The following CCDC158 variants were observed in gnomAD, a reference collection of about 807,000 sequenced individuals.
CCDC158 encodes the protein coiled-coil domain-containing protein 158.
CCDC158 carries 116 observed loss-of-function variants against 138.6 expected under a neutral mutation model. The ratio of observed to expected loss-of-function variants is 0.84; its 90% CI spans 0.72 to 0.98. The LOEUF (loss-of-function observed/expected upper bound fraction) is 0.98, where lower values mean the gene tolerates loss of function less well. CCDC158 is among the 50% of genes least tolerant of loss of function. The pLI is 0.00. For synonymous variants in CCDC158, 436 were observed against 442.4 expected (o/e 0.99, Z 0.18); for missense variants, 1,265 against 1,306.1 (o/e 0.97, Z 0.48).
At chr4:76,416,713 T>C (rs1315561600) in intron 1 of CCDC158, among the ~76,000 whole-genome samples, 2 of 152,196 alleles carry the variant, frequency 1.3e-5, no homozygotes, top group African/African-American at 4.8e-5. Flanking sequence ...GCAGCTTCCA[T>C]GTGGTGTTAA....
upstream of CCDC158, among the ~76,000 whole-genome samples, chr4:76,421,270 G>C (rs1560497517): frequency 1.3e-5 from 2 of 152,034 alleles, no homozygotes; most frequent in Non-Finnish European, 1.5e-5. Context: ...GGGGTGCTCG[G>C]CAGCTGCCCG....
chr4:76,319,910 C>T (rs1327783672), intron 24 of CCDC158, among the ~76,000 whole-genome samples: 2 of 152,112 alleles, frequency 1.3e-5, no homozygotes, highest in African/African-American at 4.8e-5. Context: ...TTCACCACTG[C>T]TATTCAACAT....
intron 13 of CCDC158, among the ~76,000 whole-genome samples, chr4:76,359,147 C>T (rs1723877335): frequency 6.6e-6 from 1 of 152,132 alleles, no homozygotes; most frequent in Admixed American, 6.5e-5. Context: ...GTGCTTGTTT[C>T]CCCTTCACCT....
In CCDC158 at chr4:76,325,931, G is replaced by A. The variant is rs1457613820; in HGVS notation, c.3095C>T (p.Ser1032Leu). ...KSPVHSLLTS[S>L]VEGSIGSTSQ... ...TGTGGAACCTATTGAACCTTCAACT[G>A]AACTAGTTAGGAGTGAGTGCACTGG... is the stretch of plus-strand genomic sequence containing the variant. The change falls in exon 23 of 25, where the codon TCA becomes TTA. Residue 1032 changes from serine to leucine, a missense_variant. Physicochemically the swap from Ser to Leu is moderately radical, Grantham distance 145. Coordinates refer to ENST00000682701, the MANE Select transcript of CCDC158 (RefSeq NM_001394954.1). 2 of 1,613,406 alleles carry A rather than the reference G, an allele frequency of 1.2e-6. No homozygotes were observed. The highest frequency in any genetic ancestry group is 8.5e-7 in the Non-Finnish European group (1 of 1,179,388).
At chr4:76,406,683 T>A (rs1728853353) in intron 2 of CCDC158, among the ~76,000 whole-genome samples, 1 of 151,994 alleles carries the variant, frequency 6.6e-6, no homozygotes, top group South Asian at 2.1e-4. Context: ...ATCTCCAAAT[T>A]AAAAAGGTCT....
intron 9 of CCDC158, among the ~76,000 whole-genome samples, 170 bp downstream of exon 9, chr4:76,379,118 AAT>A (rs1267960707): frequency 6.6e-6 from 1 of 152,248 alleles, no homozygotes; most frequent in Admixed American, 6.5e-5. Flanking sequence ...TTTAAATAAA[AAT>A]AGTTTATAAA....
intron 15 of CCDC158, among the ~76,000 whole-genome samples, chr4:76,354,593 G>A (rs1723361931): frequency 6.6e-6 from 1 of 152,140 alleles, no homozygotes; most frequent in South Asian, 2.1e-4. Flanking sequence ...GCTTATTCGT[G>A]AATGAGTCTC....
intron 1 of CCDC158, among the ~76,000 whole-genome samples, chr4:76,416,947 T>C (rs1360374934): frequency 6.6e-6 from 1 of 152,108 alleles, no homozygotes; most frequent in Non-Finnish European, 1.5e-5. Context: ...AGGGCCACCA[T>C]CCTCCAGACC....
chr4:76,398,666 C>CAAAAA (rs11379850), intron 3 of CCDC158, among the ~76,000 whole-genome samples: 1 of 118,392 alleles, frequency 8.4e-6, no homozygotes, highest in Non-Finnish European at 1.7e-5. Flanking sequence ...GACTCTGTCT[C>CAAAAA]AAAAAAAAAA....
At chr4:76,387,402 G>A (rs1307535798) in intron 4 of CCDC158, among the ~76,000 whole-genome samples, 1 of 152,092 alleles carries the variant, frequency 6.6e-6, no homozygotes, top group Non-Finnish European at 1.5e-5. Flanking sequence ...AAGAGTCCTT[G>A]GGGACCAGGC....
At chr4:76,349,599 G>A (rs528945901) in intron 18 of CCDC158, among the ~76,000 whole-genome samples, 1 of 152,280 alleles carries the variant, frequency 6.6e-6, no homozygotes, top group African/African-American at 2.4e-5. Flanking sequence ...ATTCTGGCTG[G>A]TTCAAGCTGC....
intron 2 of CCDC158, among the ~76,000 whole-genome samples, chr4:76,404,195 C>T (rs1307817499): frequency 1.3e-5 from 2 of 152,124 alleles, no homozygotes; most frequent in African/African-American, 4.8e-5. Context: ...CTAGATATAC[C>T]ACCCTTCTTC....
intron 20 of CCDC158, among the ~76,000 whole-genome samples, chr4:76,331,972 T>C (rs1721052771): frequency 1.3e-5 from 2 of 152,220 alleles, no homozygotes; most frequent in East Asian, 1.9e-4. Context: ...GAGTTATGGA[T>C]TTCATTTCTT....
At chr4:76,377,501 C>T (rs745314445) in intron 9 of CCDC158, among the ~76,000 whole-genome samples, 13 of 152,144 alleles carry the variant, frequency 8.5e-5, no homozygotes, top group Non-Finnish European at 1.6e-4. Context: ...AGCACCCTCC[C>T]ACCTCATGGT....
intron 18 of CCDC158, among the ~76,000 whole-genome samples, chr4:76,336,131 G>C (rs188181004): frequency 1.6e-5 from 2 of 125,638 alleles, no homozygotes; most frequent in Non-Finnish European, 1.6e-5. Context: ...GCAGTGAGCC[G>C]AGATTGTGCC....
At chr4:76,347,711 A>T (rs1423323836) in intron 18 of CCDC158, among the ~76,000 whole-genome samples, 2 of 152,264 alleles carry the variant, frequency 1.3e-5, no homozygotes, top group East Asian at 3.9e-4. Flanking sequence ...TATAATTTTT[A>T]AAAATTAAAA....
intron 2 of CCDC158, among the ~76,000 whole-genome samples, chr4:76,410,028 G>T (rs984599108): frequency 6.6e-5 from 10 of 152,120 alleles, no homozygotes; most frequent in Non-Finnish European, 5.9e-5. Context: ...GTACCTCCTG[G>T]GTTCTGACTC....
At chr4:76,318,231 G>C (rs1383139056) in intron 24 of CCDC158, among the ~76,000 whole-genome samples, 1 of 152,016 alleles carries the variant, frequency 6.6e-6, no homozygotes. Context: ...CAAAAAGCTT[G>C]TTCTTTAAAA....
At chr4:76,375,268 G>A in intron 9 of CCDC158, 1 of 338,760 alleles carries the variant, frequency 3.0e-6, no homozygotes, top group Admixed American at 4.8e-5. Context: ...TTGGATCACT[G>A]GACAAATGAG....
Sources: gnomAD v4.1 joint callset for allele counts (sites outside exome capture counted in the v4.1 genomes callset) on GRCh38, gnomAD v4.1.1 for gene constraint, MANE v1.5 for transcripts, NCBI Gene and HGNC (gene_info 2026-07-23, HGNC 2026-07-21) for gene names.